PCDH7: variants seen among roughly 807,000 people sequenced by gnomAD.
PCDH7 encodes the protein protocadherin-7.
In PCDH7, 17 loss-of-function variants were observed where a neutral mutation model predicts 58.9. That is an observed-to-expected ratio of 0.29 (90% CI 0.20 to 0.43). The LOEUF is 0.43. Ranked by LOEUF, PCDH7 falls within the 20% of genes least tolerant of loss-of-function variation. The pLI is 1.00. For synonymous variants in PCDH7, 664 were observed against 616.4 expected, an observed-to-expected ratio of 1.08 and a Z score of -1.14; for missense variants, 1,274 against 1,441.0, an observed-to-expected ratio of 0.88 and a Z score of 1.88.
intron 1 of PCDH7, among the ~76,000 whole-genome samples, chr4:30,892,016 G>A (rs1738679397): frequency 6.6e-6 from 1 of 151,704 alleles, no homozygotes; most frequent in African/African-American, 2.4e-5. Context: ...TATGTTAATC[G>A]CCTTGTATAT....
At chr4:31,063,992 T>C (rs1283996328) in intron 3 of PCDH7, among the ~76,000 whole-genome samples, 2 of 151,914 alleles carry the variant, frequency 1.3e-5, no homozygotes, top group East Asian at 3.9e-4. Flanking sequence ...GATAGTGGAC[T>C]GGCACAAAGT....
intron 3 of PCDH7, among the ~76,000 whole-genome samples, chr4:31,101,557 A>C (rs1019072998): frequency 1.3e-5 from 2 of 152,192 alleles, no homozygotes; most frequent in African/African-American, 4.8e-5. Context: ...CAAGTGCCTT[A>C]AACCTTATAT....
At chr4:31,077,548 A>G (rs1417022383) in intron 3 of PCDH7, among the ~76,000 whole-genome samples, 1 of 152,212 alleles carries the variant, frequency 6.6e-6, no homozygotes, top group Admixed American at 6.5e-5. Context: ...AAATCAATTG[A>G]AAATTTTCAA....
intron 3 of PCDH7, among the ~76,000 whole-genome samples, chr4:30,974,952 C>T (rs929797372): frequency 6.6e-6 from 1 of 152,062 alleles, no homozygotes; most frequent in Non-Finnish European, 1.5e-5. Context: ...AAGTTAGGCA[C>T]GTAGGGTTAC....
intron 1 of PCDH7, among the ~76,000 whole-genome samples, chr4:30,825,815 A>G (rs1373318110): frequency 6.6e-6 from 1 of 152,154 alleles, no homozygotes; most frequent in African/African-American, 2.4e-5. Context: ...CTAAAATGGC[A>G]GGTCAGACTA....
intron 1 of PCDH7, among the ~76,000 whole-genome samples, chr4:30,860,466 G>A (rs1013090890): frequency 2.0e-5 from 3 of 151,092 alleles, no homozygotes; most frequent in African/African-American, 7.3e-5. Context: ...TTTTCAAATT[G>A]GAAAGCTTTA....
intron 1 of PCDH7, among the ~76,000 whole-genome samples, chr4:30,915,259 C>T (rs1305129925): frequency 1.3e-5 from 2 of 152,144 alleles, no homozygotes; most frequent in Admixed American, 1.3e-4. Context: ...GGTAGTAGTA[C>T]ATTCCCACTT....
At chr4:30,912,170 G>A (rs1416824400) in intron 1 of PCDH7, among the ~76,000 whole-genome samples, 3 of 152,148 alleles carry the variant, frequency 2.0e-5, no homozygotes, top group African/African-American at 7.2e-5. Context: ...GAAGTATGGA[G>A]GCATCTTGAA....
chr4:30,859,711 A>T (rs1733956657), intron 1 of PCDH7, among the ~76,000 whole-genome samples: 2 of 152,110 alleles, frequency 1.3e-5, no homozygotes, highest in South Asian at 4.1e-4. Flanking sequence ...AAGTGCTGGG[A>T]TTACAGACGT....
intron 2 of PCDH7, among the ~76,000 whole-genome samples, chr4:30,935,516 C>G (rs1157473096): frequency 6.6e-6 from 1 of 152,078 alleles, no homozygotes; most frequent in African/African-American, 2.4e-5. Flanking sequence ...TTTCTACAAG[C>G]TAAATGGCTC....
intron 1 of PCDH7, among the ~76,000 whole-genome samples, chr4:30,919,641 G>GC (rs1184901521): frequency 6.6e-6 from 1 of 152,076 alleles, no homozygotes; most frequent in Non-Finnish European, 1.5e-5. Context: ...TCCTAGCACT[G>GC]CATCTAAATT....
chr4:30,909,674 A>G (rs1464772360), intron 1 of PCDH7, among the ~76,000 whole-genome samples: 1 of 152,206 alleles, frequency 6.6e-6, no homozygotes, highest in Non-Finnish European at 1.5e-5. Context: ...AGGAAATAAG[A>G]GAGGACACAA....
rs561643977 is a variant in PCDH7 at position 30,938,327 on chromosome 4, G to A, written c.288-11793G>A. ...GACTTTATGAACTATCTACTTGTAC[G>A]TGATATGCATTTCTAAACAAATTTT... is the stretch of plus-strand genomic sequence containing the variant. On this transcript the variant is annotated intron_variant, in intron 2 of 3. Coordinates refer to the PCDH7 transcript ENST00000509759. Among the ~76,000 whole-genome samples, 25 of 152,106 alleles carry A rather than the reference G, an allele frequency of 1.6e-4. 1 individual carries two copies. The highest frequency in any genetic ancestry group is 5.8e-4 in the African/African-American group (24 of 41,508).
At chr4:30,737,203 C>G (rs1484029457), downstream of PCDH7, among the ~76,000 whole-genome samples, 1 of 152,142 alleles carries the variant, frequency 6.6e-6, no homozygotes, top group African/African-American at 2.4e-5. Flanking sequence ...AACTCCTGCT[C>G]TGATTACATG....
At chr4:31,073,452 T>C (rs1202023636) in intron 3 of PCDH7, among the ~76,000 whole-genome samples, 1 of 152,150 alleles carries the variant, frequency 6.6e-6, no homozygotes, top group Non-Finnish European at 1.5e-5. Context: ...AACTGACTCA[T>C]CATTACTTAG....
chr4:30,984,136 A>G (rs962769491), intron 3 of PCDH7, among the ~76,000 whole-genome samples: 11 of 152,226 alleles, frequency 7.2e-5, no homozygotes, highest in Non-Finnish European at 1.5e-4. Context: ...AAAAATATGT[A>G]AAACAGAAAA....
chr4:30,993,089 G>T (rs912399803), intron 3 of PCDH7, among the ~76,000 whole-genome samples: 1 of 152,118 alleles, frequency 6.6e-6, no homozygotes, highest in African/African-American at 2.4e-5. Context: ...GTGAGCCACC[G>T]TGCCCGGCCT....
At chr4:30,868,242 T>A (rs1287837763) in intron 1 of PCDH7, among the ~76,000 whole-genome samples, 1 of 152,090 alleles carries the variant, frequency 6.6e-6, no homozygotes, top group Non-Finnish European at 1.5e-5. Context: ...TTTACATACA[T>A]CACCTCGTTT....
At chr4:30,726,559 G>T (rs1577549650) in intron 1 of PCDH7, among the ~76,000 whole-genome samples, 1 of 152,090 alleles carries the variant, frequency 6.6e-6, no homozygotes, top group East Asian at 1.9e-4. Context: ...AAAAGGCAAA[G>T]TGATATGCTT....
Sources: allele counts gnomAD v4.1 joint callset (sites outside exome capture counted in the v4.1 genomes callset), GRCh38; gene constraint gnomAD v4.1.1; transcripts MANE v1.5; gene names NCBI Gene and HGNC (gene_info 2026-07-23, HGNC 2026-07-21).